The following HIPK2 variants were observed in gnomAD, a reference collection of about 807,000 sequenced individuals.
HIPK2 encodes homeodomain interacting protein kinase 2.
HIPK2 carries 27 observed loss-of-function variants against 113.7 expected under a neutral mutation model. The observed-to-expected ratio is 0.24, with a 90% CI of 0.17 to 0.33. The LOEUF is 0.33. HIPK2 is among the 10% of genes least tolerant of loss of function. The probability of loss-of-function intolerance (pLI) is 1.00; values close to 1 mark genes in which losing one functional copy is unlikely to be tolerated. For missense variants in HIPK2, 1,257 were observed against 1,588.0 expected, an observed-to-expected ratio of 0.79 and a Z score of 3.54; for synonymous variants, 631 against 642.2, an observed-to-expected ratio of 0.98 and a Z score of 0.26.
At chr7:139,761,269 AG>A (rs1796459618) in intron 1 of HIPK2, among the ~76,000 whole-genome samples, 1 of 152,234 alleles carries the variant, frequency 6.6e-6, no homozygotes, top group Non-Finnish European at 1.5e-5. Flanking sequence ...GGTATGGTTC[AG>A]GCAAGAATGA....
chr7:139,690,515 T>C (rs1794373144), intron 2 of HIPK2, among the ~76,000 whole-genome samples: 1 of 152,088 alleles, frequency 6.6e-6, no homozygotes, highest in African/African-American at 2.4e-5. Flanking sequence ...TCTTGCTCTA[T>C]TTGTTCCCAC....
intron 2 of HIPK2, among the ~76,000 whole-genome samples, chr7:139,673,602 C>T (rs540447869): frequency 1.3e-5 from 2 of 152,232 alleles, no homozygotes; most frequent in South Asian, 4.1e-4. Flanking sequence ...GGGCTGACAC[C>T]AGGTGCTTAC....
intron 2 of HIPK2, among the ~76,000 whole-genome samples, chr7:139,676,363 T>C (rs1244900448): frequency 6.6e-6 from 1 of 152,078 alleles, no homozygotes; most frequent in Non-Finnish European, 1.5e-5. Context: ...TACACAATAG[T>C]CTCCTTACCA....
intron 1 of HIPK2, among the ~76,000 whole-genome samples, chr7:139,751,479 GGA>G (rs1438824443): frequency 6.8e-6 from 1 of 147,588 alleles, no homozygotes; most frequent in Non-Finnish European, 1.5e-5. Context: ...TATAAGAAGG[GGA>G]GAGAGAACAG....
rs542759141 is a variant in HIPK2, at chr7:139,721,827, G to C, written c.20-4812C>G. 5.9e-5 allele frequency among the ~76,000 whole-genome samples: 9 copies of C among 151,918 alleles called. No individual in the cohort carries two copies. In the East Asian group the frequency reaches 1.4e-3, roughly 23 times the overall value. On this transcript the variant is annotated intron_variant, in intron 1 of 14. Coordinates refer to ENST00000406875, the MANE Select transcript of HIPK2 (RefSeq NM_022740.5). ...CAGTAAGAGGAACCCAGGAGGTCAC[G>C]GTAGGATAAATCTGCCATAACCACA... is the stretch of plus-strand genomic sequence containing the variant.
At chr7:139,596,442 C>A (rs1569449026) in intron 12 of HIPK2, among the ~76,000 whole-genome samples, 1 of 152,166 alleles carries the variant, frequency 6.6e-6, no homozygotes, top group Non-Finnish European at 1.5e-5. Flanking sequence ...GCATTGTGTG[C>A]CCGATTTTTA....
Position 139,563,769 on chromosome 7 carries a change from AG to A in HIPK2, c.*9157del. ...CTGTCAATACAGTTCACAGGGAAAA[AG>A]CAAATGTGGTATTTTTTTGTATTTT... On this transcript the variant is annotated 3_prime_UTR_variant, in exon 15 of 15. Coordinates refer to ENST00000406875, the MANE Select transcript of HIPK2 (RefSeq NM_022740.5). 2.5e-6 allele frequency: 1 copy of A among 398,556 alleles called. No homozygotes were observed. The highest frequency in any genetic ancestry group is 4.4e-6 in the Non-Finnish European group (1 of 226,052). The allele number at this position is 398,556 out of a possible 1,614,324, so 24.7% of individuals were successfully genotyped here. A position where few individuals can be genotyped will look rare whatever the true frequency, so the allele number is the denominator to read the frequency against.
intron 2 of HIPK2, among the ~76,000 whole-genome samples, chr7:139,703,054 CAT>C (rs1226657690): frequency 6.6e-6 from 1 of 152,076 alleles, no homozygotes; most frequent in Non-Finnish European, 1.5e-5. Flanking sequence ...GATGAACAAA[CAT>C]ATCTTTTTTA....
intron 12 of HIPK2, among the ~76,000 whole-genome samples, chr7:139,584,789 G>A (rs948540566): frequency 3.9e-5 from 6 of 152,176 alleles, no homozygotes; most frequent in African/African-American, 7.2e-5. Flanking sequence ...CCAAGGGATC[G>A]GGGGAGATGG....
chr7:139,701,379 A>G (rs1192416308), intron 2 of HIPK2, among the ~76,000 whole-genome samples: 1 of 152,238 alleles, frequency 6.6e-6, no homozygotes, highest in African/African-American at 2.4e-5. Flanking sequence ...CAGGACGTGA[A>G]GAGGCTGTGA....
intron 6 of HIPK2, among the ~76,000 whole-genome samples, chr7:139,624,368 T>TG (rs1800351796): frequency 6.6e-6 from 1 of 152,158 alleles, no homozygotes; most frequent in Admixed American, 6.6e-5. Context: ...CCTTTGCCAC[T>TG]GGCTGGACCT....
chr7:139,599,087 A>T (rs1488817874), intron 11 of HIPK2, among the ~76,000 whole-genome samples: 1 of 152,224 alleles, frequency 6.6e-6, no homozygotes, highest in African/African-American at 2.4e-5. Context: ...CAGAAAACCA[A>T]AATCACTAGA....
chr7:139,675,408 G>A (rs1291585273), intron 2 of HIPK2, among the ~76,000 whole-genome samples: 3 of 152,076 alleles, frequency 2.0e-5, no homozygotes, highest in African/African-American at 7.2e-5. Context: ...GGTACTAGGC[G>A]CTTGGAGTCT....
chr7:139,689,275 G>A (rs1391206911), intron 2 of HIPK2, among the ~76,000 whole-genome samples: 2 of 152,148 alleles, frequency 1.3e-5, no homozygotes, highest in Non-Finnish European at 2.9e-5. Flanking sequence ...ATATTTTGTT[G>A]GCGTTAACAG....
chr7:139,732,954 G>A (rs1023972123), intron 1 of HIPK2, among the ~76,000 whole-genome samples: 4 of 151,738 alleles, frequency 2.6e-5, no homozygotes, highest in Non-Finnish European at 5.9e-5. Flanking sequence ...TGGATCATGC[G>A]GGTGGTTTCT....
At chr7:139,663,491 A>T (rs1000544735) in intron 2 of HIPK2, among the ~76,000 whole-genome samples, 1 of 152,126 alleles carries the variant, frequency 6.6e-6, no homozygotes, top group Non-Finnish European at 1.5e-5. Context: ...AATCCTTCAG[A>T]AACAAAAAAG....
In HIPK2 at chr7:139,698,214, C is replaced by T. The variant is rs943273167; in HGVS notation, c.1103+17718G>A. Among the ~76,000 whole-genome samples, 544 of 152,304 alleles carry T rather than the reference C, an allele frequency of 3.6e-3. 3 individuals carry two copies. Among genetic ancestry groups the T allele is most frequent in the African/African-American group, 0.012 (507 of 41,544 alleles). On this transcript the variant is annotated intron_variant, in intron 2 of 14. Transcript: ENST00000406875. ...GGTATTTCATATAAAGAGTATCATACGATACGTGTATGCCTTCTTTCACTT... is the reference window on the plus strand; with the variant it reads ...GGTATTTCATATAAAGAGTATCATATGATACGTGTATGCCTTCTTTCACTT...
chr7:139,596,814 T>TCTGCCG lies in HIPK2; in HGVS notation c.2614_2619dup (p.Arg872_Gln873dup), dbSNP rs758691109. ...CTGGGAGTGTCGGGAATGACAATTGTCTGCCGCTGCCGTTCCCGGGTGGTG... is the reference window on the plus strand; with the variant it reads ...CTGGGAGTGTCGGGAATGACAATTGTCTGCCGCTGCCGCTGCCGTTCCCGGGTGGTG... On this transcript the variant is annotated inframe_insertion, in exon 12 of 15. Transcript: ENST00000406875. The TCTGCCG allele has an allele frequency of 2.7e-5, 43 of 1,613,858 alleles. No homozygotes were observed. The highest frequency in any genetic ancestry group is 3.3e-5 in the Non-Finnish European group (39 of 1,179,890).
intron 1 of HIPK2, among the ~76,000 whole-genome samples, chr7:139,728,001 G>A (rs1435295055): frequency 1.4e-5 from 2 of 146,180 alleles, no homozygotes; most frequent in East Asian, 2.0e-4. Context: ...GTAGAGTGGT[G>A]CAATCATAGC....
Sources: allele counts gnomAD v4.1 joint callset (sites outside exome capture counted in the v4.1 genomes callset), GRCh38; gene constraint gnomAD v4.1.1; transcripts MANE v1.5; gene names NCBI Gene and HGNC (gene_info 2026-07-23, HGNC 2026-07-21).